The following TAOK1 variants were observed in gnomAD, a reference collection of about 807,000 sequenced individuals.
TAOK1 encodes serine/threonine-protein kinase TAO1.
TAOK1 carries 21 observed loss-of-function variants against 138.3 expected under a neutral mutation model. The ratio of observed to expected loss-of-function variants is 0.15; its 90% CI spans 0.11 to 0.22. TAOK1 has a LOEUF of 0.22. TAOK1 is among the 10% of genes least tolerant of loss of function. TAOK1 has a pLI of 1.00. For synonymous variants in TAOK1, 361 were observed against 398.4 expected (o/e 0.91, Z 1.12); for missense variants, 651 against 1,227.7 (o/e 0.53, Z 7.02).
intron 13 of TAOK1, among the ~76,000 whole-genome samples, chr17:29,507,231 C>T (rs2031644352): frequency 6.8e-6 from 1 of 146,230 alleles, no homozygotes. Flanking sequence ...AATTTTATGT[C>T]TTGTATTTTA....
chr17:29,478,489 C>T, intron 6 of TAOK1, 142 bp downstream of exon 6: 1 of 503,158 alleles, frequency 2.0e-6, no homozygotes, highest in African/African-American at 2.0e-5. Context: ...TTTTCATGTC[C>T]TAAAATGAAC....
intron 1 of TAOK1, among the ~76,000 whole-genome samples, chr17:29,417,372 C>G (rs1905292861): frequency 1.3e-5 from 2 of 152,076 alleles, no homozygotes; most frequent in South Asian, 4.1e-4. Flanking sequence ...TTTTTAATTC[C>G]TTATGTATTC....
Position 29,522,292 on chromosome 17 carries a change from A to G in TAOK1, c.1921A>G (p.Arg641Gly), listed in dbSNP as rs1262854472. 9.9e-6 allele frequency: 16 copies of G among 1,614,180 alleles called. No homozygotes were observed. The highest frequency in any genetic ancestry group is 1.4e-5 in the Non-Finnish European group (16 of 1,180,034). ...TGTTATGGATTAGGAGTTAAACAAA[A>G]GACAGACTCAGAAGGACTTAGAGCA... ...QDLVREELNKRQTQKDLEHAM... is the reference protein window; with the variant it reads ...QDLVREELNKGQTQKDLEHAM... The change falls in exon 17 of 20, where the codon AGA (arginine) becomes GGA (glycine). Residue 641 changes from arginine (R) to glycine (G), a missense_variant. Arg to Gly is a moderately radical substitution (Grantham distance 125, BLOSUM62 -2). Coordinates refer to ENST00000261716, the MANE Select transcript of TAOK1 (RefSeq NM_020791.4).
chr17:29,540,442 G>C (rs761174040), intron 19 of TAOK1, among the ~76,000 whole-genome samples: 8 of 152,148 alleles, frequency 5.3e-5, no homozygotes, highest in Non-Finnish European at 1.0e-4. Flanking sequence ...TTGGCTCACT[G>C]CAACCTTCGC....
intron 1 of TAOK1, among the ~76,000 whole-genome samples, chr17:29,441,737 A>G (rs1241096647): frequency 6.6e-6 from 1 of 152,050 alleles, no homozygotes; most frequent in Non-Finnish European, 1.5e-5. Flanking sequence ...CGTCTCTACT[A>G]AAAATACAAA....
rs2032381832 is a variant in TAOK1 at position 29,545,154 on chromosome 17, A to C, written c.*2132A>C. 1 of 152,226 alleles carries C rather than the reference A, an allele frequency of 6.6e-6. No homozygotes were observed. Among genetic ancestry groups the C allele is most frequent in the Admixed American group, 6.5e-5 (1 of 15,278 alleles). 9.4% of individuals were successfully genotyped at this position (152,226 alleles called of 1,614,324 possible). On this transcript the variant is annotated 3_prime_UTR_variant, in exon 20 of 20. Transcript: ENST00000261716. The stretch of plus-strand genomic sequence containing the variant: ...CCCATGCTCCAGGTCACCGGTTTTT[A>C]GGTAAACATGACATGACATGTACTT...
In TAOK1 at chr17:29,491,872, T is replaced by G; in HGVS notation, c.831+7T>G. On this transcript the variant is annotated splice_region_variant and intron_variant, in intron 10 of 19. Coordinates refer to ENST00000261716, the MANE Select transcript of TAOK1 (RefSeq NM_020791.4). The stretch of plus-strand genomic sequence containing the variant: ...ATCAGAGGAACTTTTAAAGGTCAGT[T>G]CTATTATAGTTTATTTATTTATTTT... 6.3e-7 allele frequency: 1 copy of G among 1,590,316 alleles called. No homozygotes were observed. The highest frequency in any genetic ancestry group is 8.6e-7 in the Non-Finnish European group (1 of 1,161,632).
chr17:29,503,644 A>G (rs964986678), intron 13 of TAOK1, among the ~76,000 whole-genome samples: 1 of 152,176 alleles, frequency 6.6e-6, no homozygotes, highest in Non-Finnish European at 1.5e-5. Context: ...CAACGAAATT[A>G]CATTAAGATA....
chr17:29,418,971 T>C (rs937049567), intron 1 of TAOK1, among the ~76,000 whole-genome samples: 1 of 150,724 alleles, frequency 6.6e-6, no homozygotes, highest in African/African-American at 2.4e-5. Context: ...AATCAGTTTG[T>C]CAGTTTCTTC....
At position 29,534,105 on chromosome 17, in the gene TAOK1, C is replaced by G. The variant is rs1345042786; in HGVS notation, c.2362-13C>G. ...ATATATCTTTTTTTTTTCTCTCTCT[C>G]TCTCTGTCTCAGCTGCGTTTGGATG... On this transcript the variant is annotated splice_polypyrimidine_tract_variant and intron_variant, in intron 18 of 19. Coordinates refer to ENST00000261716, the MANE Select transcript of TAOK1 (RefSeq NM_020791.4). The G allele has an allele frequency of 1.3e-6, 2 of 1,581,066 alleles. No homozygotes were observed. Among genetic ancestry groups the G allele is most frequent in the East Asian group, 4.5e-5 (2 of 44,144 alleles).
Position 29,495,715 on chromosome 17 carries a change from GGAA to G in TAOK1, c.996_998del (p.Glu334del). 2.5e-6 allele frequency: 4 copies of G among 1,602,062 alleles called. No individual in the cohort carries two copies. Among genetic ancestry groups the G allele is most frequent in the Non-Finnish European group, 3.4e-6 (4 of 1,173,692 alleles). ...ATAATGGACCAGCAGTAGAAGCACAGGAAGAAGAAGAGGTAAGAGATAAAAAAA... is the reference window on the plus strand; with the variant it reads ...ATAATGGACCAGCAGTAGAAGCACAGGAAGAAGAGGTAAGAGATAAAAAAA... On this transcript the variant is annotated inframe_deletion, in exon 11 of 20. Transcript: ENST00000261716.
intron 1 of TAOK1, among the ~76,000 whole-genome samples, chr17:29,400,118 G>A (rs1904790985): frequency 1.3e-5 from 2 of 152,052 alleles, no homozygotes; most frequent in East Asian, 3.9e-4. Context: ...TTCAGGCCGG[G>A]CGTGGTGGCT....
In TAOK1 at chr17:29,502,604, A is replaced by G. The variant is rs755127921; in HGVS notation, c.1219A>G (p.Arg407Gly). ...IHLKPEEENYREEGDPRTRAS... is the reference protein window; with the variant it reads ...IHLKPEEENYGEEGDPRTRAS... ...TTTTTCCTAGGAGGAAGAAAATTAC[A>G]GAGAAGAGGGAGATCCTAGAACAAG... is the stretch of plus-strand genomic sequence containing the variant. Residue 407 changes from arginine (R) to glycine (G), a missense_variant, in exon 13 of 20, where the codon AGA becomes GGA. Transcript: ENST00000261716. The G allele has an allele frequency of 6.2e-7, 1 of 1,608,880 alleles. No homozygotes were observed. Among genetic ancestry groups the G allele is most frequent in the Non-Finnish European group, 8.5e-7 (1 of 1,178,374 alleles).
chr17:29,480,586 C>A, intron 7 of TAOK1, 105 bp downstream of exon 7: 1 of 957,674 alleles, frequency 1.0e-6, no homozygotes, highest in Non-Finnish European at 1.5e-6. Flanking sequence ...ATGTTAAACT[C>A]GGCCAGGTGC....
At chr17:29,483,843 T>G (rs1255666116) in intron 8 of TAOK1, among the ~76,000 whole-genome samples, 1 of 152,186 alleles carries the variant, frequency 6.6e-6, no homozygotes, top group Non-Finnish European at 1.5e-5. Flanking sequence ...TTCTTTTACC[T>G]ATGATTCTTT....
At chr17:29,416,719 C>T (rs1324294483) in intron 1 of TAOK1, among the ~76,000 whole-genome samples, 1 of 152,018 alleles carries the variant, frequency 6.6e-6, no homozygotes, top group Admixed American at 6.6e-5. Context: ...TAGTTTTCCT[C>T]CTTGGAATTG....
At chr17:29,422,510 T>A (rs1437549394) in intron 1 of TAOK1, among the ~76,000 whole-genome samples, 1 of 152,130 alleles carries the variant, frequency 6.6e-6, no homozygotes, top group Non-Finnish European at 1.5e-5. Flanking sequence ...GAGCCACTGC[T>A]CCCGGCCCCT....
chr17:29,405,600 G>A (rs1234400994), intron 1 of TAOK1, among the ~76,000 whole-genome samples: 2 of 151,408 alleles, frequency 1.3e-5, no homozygotes, highest in Non-Finnish European at 2.9e-5. Context: ...CCAATATGGT[G>A]AAACCCCGTC....
At chr17:29,430,357 G>C (rs2153022566) in intron 1 of TAOK1, among the ~76,000 whole-genome samples, 1 of 152,288 alleles carries the variant, frequency 6.6e-6, no homozygotes, top group South Asian at 2.1e-4. Context: ...CAATCAGTCT[G>C]ATTGGTTGGG....
Sources: allele counts gnomAD v4.1 joint callset (sites outside exome capture counted in the v4.1 genomes callset), GRCh38; gene constraint gnomAD v4.1.1; transcripts MANE v1.5; gene names NCBI Gene and HGNC (gene_info 2026-07-23, HGNC 2026-07-21).